AGBL3: variants seen among roughly 807,000 people sequenced by gnomAD.
AGBL3 encodes the protein cytosolic carboxypeptidase 3.
In AGBL3, 68 loss-of-function variants were observed where a neutral mutation model predicts 94.5. The observed-to-expected ratio is 0.72, with a 90% CI of 0.59 to 0.88. The LOEUF is 0.88. Ranked by LOEUF, AGBL3 falls within the 40% of genes least tolerant of loss-of-function variation. The pLI is 0.00. For synonymous variants in AGBL3, 354 were observed against 370.7 expected, an observed-to-expected ratio of 0.95 and a Z score of 0.52; for missense variants, 934 against 1,103.8, an observed-to-expected ratio of 0.85 and a Z score of 2.18.
chr7:135,132,826 C>G (rs1339768188), intron 16 of AGBL3, among the ~76,000 whole-genome samples: 1 of 152,144 alleles, frequency 6.6e-6, no homozygotes, highest in Admixed American at 6.6e-5. Context: ...GTCAATTAAA[C>G]CTTTTTCCTT....
chr7:135,125,929 C>T (rs1015917611), intron 16 of AGBL3, among the ~76,000 whole-genome samples: 30 of 152,150 alleles, frequency 2.0e-4, no homozygotes, highest in Admixed American at 1.9e-3. Flanking sequence ...CAATATATAG[C>T]CAATATCATA....
At position 135,050,847 on chromosome 7, in the gene AGBL3, CT is replaced by C. The variant is rs1285360890; in HGVS notation, c.1841+4943del. On this transcript the variant is annotated intron_variant, in intron 11 of 16. Coordinates refer to ENST00000436302, the MANE Select transcript of AGBL3 (RefSeq NM_178563.4). ...TGTAGATAGATTGTAGTTGGGTCCT[CT>C]TTTTTTAATCCATTCAGCCATTCTG... 5.3e-5 allele frequency among the ~76,000 whole-genome samples: 8 copies of C among 152,032 alleles called. No homozygotes were observed. In the East Asian group the frequency reaches 1.4e-3, roughly 26 times the overall value.
Position 135,135,175 on chromosome 7 carries a change from C to G in AGBL3, c.2677C>G (p.Leu893Val). 5 of 1,549,836 alleles carry G rather than the reference C, an allele frequency of 3.2e-6. No individual in the cohort carries two copies. The highest frequency in any genetic ancestry group is 4.4e-6 in the Non-Finnish European group (5 of 1,146,280). The change falls in exon 17 of 17, where the codon CTC becomes GTC. Residue 893 changes from leucine to valine, a missense_variant. Leu to Val is a conservative substitution (Grantham distance 32, BLOSUM62 1). Coordinates refer to ENST00000436302, the MANE Select transcript of AGBL3 (RefSeq NM_178563.4). ...TNQQSSKHTA[L>V]HLTKNKDEQA... The stretch of plus-strand genomic sequence containing the variant: ...CCAGCAAAGCTCTAAGCATACAGCC[C>G]TCCATCTAACTAAAAATAAGGATGA...
At chr7:135,088,430 T>G (rs1471043050) in intron 15 of AGBL3, among the ~76,000 whole-genome samples, 1 of 152,180 alleles carries the variant, frequency 6.6e-6, no homozygotes, top group African/African-American at 2.4e-5. Context: ...TCTATACTGA[T>G]AAGGTTTAAT....
rs370099376 is a variant in AGBL3, at chr7:135,018,260, C to A, written c.418+1101C>A. ...GAGGGCAGCCTCGAAACAACTGTAGCTTTTAGTAAAGAAATAGACAACTGC... is the reference window on the plus strand; with the variant it reads ...GAGGGCAGCCTCGAAACAACTGTAGATTTTAGTAAAGAAATAGACAACTGC... On this transcript the variant is annotated intron_variant, in intron 5 of 16. Transcript: ENST00000436302. Among the ~76,000 whole-genome samples the A allele has an allele frequency of 7.2e-4, 110 of 152,236 alleles. 1 individual carries two copies. In the Middle Eastern group the frequency reaches 0.014, roughly 19 times the overall value.
At chr7:135,009,828 C>A (rs1200680911) in intron 4 of AGBL3, among the ~76,000 whole-genome samples, 1 of 152,102 alleles carries the variant, frequency 6.6e-6, no homozygotes. Flanking sequence ...GCCTTTTTAC[C>A]AGATTATATG....
chr7:135,051,093 C>T (rs1392899201), intron 11 of AGBL3: 1 of 416,572 alleles, frequency 2.4e-6, no homozygotes, highest in Non-Finnish European at 4.7e-6. Flanking sequence ...CTGGAAAATT[C>T]AATGCCACAG....
chr7:134,987,649 TAATTA>T (rs1395144648), intron 1 of AGBL3, among the ~76,000 whole-genome samples: 1 of 152,252 alleles, frequency 6.6e-6, no homozygotes. Context: ...AAATTCCTTT[TAATTA>T]AATGATTTGC....
chr7:135,101,787 G>A (rs940133496), intron 15 of AGBL3, among the ~76,000 whole-genome samples: 3 of 152,070 alleles, frequency 2.0e-5, no homozygotes, highest in Non-Finnish European at 2.9e-5. Flanking sequence ...TGGTTGATAT[G>A]GTTTGCCTGT....
At chr7:135,052,907 C>T (rs770595480) in intron 11 of AGBL3, among the ~76,000 whole-genome samples, 1 of 152,070 alleles carries the variant, frequency 6.6e-6, no homozygotes, top group Non-Finnish European at 1.5e-5. Context: ...CTACAGGAGT[C>T]TGGAGTCTGT....
At chr7:135,097,280 C>T (rs1250552571) in intron 15 of AGBL3, among the ~76,000 whole-genome samples, 1 of 152,098 alleles carries the variant, frequency 6.6e-6, no homozygotes, top group Non-Finnish European at 1.5e-5. Flanking sequence ...TCAGATCTTA[C>T]CAACAATAAT....
At chr7:135,075,603 A>G (rs1820371548) in intron 12 of AGBL3, among the ~76,000 whole-genome samples, 1 of 152,222 alleles carries the variant, frequency 6.6e-6, no homozygotes, top group African/African-American at 2.4e-5. Context: ...TTCAATTGGT[A>G]GGTGGTATGG....
At chr7:135,030,272 A>G (rs1815589015) in intron 5 of AGBL3, among the ~76,000 whole-genome samples, 1 of 152,188 alleles carries the variant, frequency 6.6e-6, no homozygotes, top group African/African-American at 2.4e-5. Context: ...ATATTCTTCA[A>G]TTTACATTAG....
intron 16 of AGBL3, among the ~76,000 whole-genome samples, chr7:135,121,562 A>AAAAAAC (rs1309455889): frequency 6.6e-6 from 1 of 152,186 alleles, no homozygotes; most frequent in Admixed American, 6.5e-5. Flanking sequence ...GAAAAAAAAA[A>AAAAAAC]AAAAACCTAA....
At chr7:135,093,244 T>C (rs1299716767) in intron 15 of AGBL3, 1 of 151,156 alleles carries the variant, frequency 6.6e-6, no homozygotes, top group African/African-American at 2.4e-5. Flanking sequence ...AGCGAAGCCA[T>C]TTCTATTTGT....
chr7:135,040,097 T>G (rs1584917894), intron 8 of AGBL3, among the ~76,000 whole-genome samples: 1 of 152,196 alleles, frequency 6.6e-6, no homozygotes, highest in Non-Finnish European at 1.5e-5. Flanking sequence ...GCACATAAAT[T>G]TAACAACTTA....
chr7:135,075,629 C>A (rs912562201), intron 12 of AGBL3, among the ~76,000 whole-genome samples: 5 of 152,186 alleles, frequency 3.3e-5, no homozygotes, highest in African/African-American at 9.7e-5. Flanking sequence ...ATGGTACATA[C>A]ATGTTTAATT....
chr7:135,081,288 T>C (rs920764032), intron 14 of AGBL3, among the ~76,000 whole-genome samples: 2 of 152,146 alleles, frequency 1.3e-5, no homozygotes, highest in African/African-American at 2.4e-5. Context: ...AATCACATAA[T>C]CATCGCATTA....
intron 15 of AGBL3, among the ~76,000 whole-genome samples, chr7:135,111,110 C>A (rs1382371200): frequency 6.6e-6 from 1 of 152,136 alleles, no homozygotes; most frequent in African/African-American, 2.4e-5. Context: ...ACATATAAAA[C>A]AGAAACAAAA....
Sources: allele counts gnomAD v4.1 joint callset (sites outside exome capture counted in the v4.1 genomes callset), GRCh38; gene constraint gnomAD v4.1.1; transcripts MANE v1.5; gene names NCBI Gene and HGNC (gene_info 2026-07-23, HGNC 2026-07-21).